KLHL22: variants seen among roughly 807,000 people sequenced by gnomAD.
KLHL22 encodes the protein kelch-like protein 22.
Under a neutral mutation model 60.7 loss-of-function variants are expected in KLHL22, and 18 were observed. The ratio of observed to expected loss-of-function variants is 0.30; its 90% CI spans 0.20 to 0.44. The LOEUF is 0.44. KLHL22 is among the 20% of genes least tolerant of loss of function. The pLI is 1.00. For synonymous variants in KLHL22, 355 were observed against 354.5 expected, an observed-to-expected ratio of 1.00 and a Z score of -0.01; for missense variants, 596 against 852.3, an observed-to-expected ratio of 0.70 and a Z score of 3.74.
chr22:20,480,420 G>T lies in KLHL22; in HGVS notation c.227+8565C>A, dbSNP rs1347624052. 2.0e-5 allele frequency among the ~76,000 whole-genome samples: 3 copies of T among 152,178 alleles called. No homozygotes were observed. The East Asian group carries it at 5.8e-4, about 29-fold the overall frequency. ...ACCAAATAAATAGAGGACATCGACA[G>T]CACGGAACACTCCACAGCACAGAGA... On this transcript the variant is annotated intron_variant, in intron 2 of 6. Coordinates refer to ENST00000328879, the MANE Select transcript of KLHL22 (RefSeq NM_032775.4).
chr22:20,449,556 G>A (rs547325696), intron 5 of KLHL22, among the ~76,000 whole-genome samples: 11 of 151,704 alleles, frequency 7.3e-5, no homozygotes, highest in Non-Finnish European at 1.5e-4. Context: ...GTGTGCCACC[G>A]CGCCCAACTA....
intron 2 of KLHL22, chr22:20,488,436 T>A (rs1352047379): frequency 6.2e-6 from 1 of 161,806 alleles, no homozygotes; most frequent in African/African-American, 2.4e-5. Flanking sequence ...TTTGAATATG[T>A]GAAAACCATG....
At chr22:20,457,179 G>C (rs2053076354) in intron 5 of KLHL22, among the ~76,000 whole-genome samples, 1 of 151,968 alleles carries the variant, frequency 6.6e-6, no homozygotes, top group Non-Finnish European at 1.5e-5. Context: ...ATAAAAGAGA[G>C]GCACCTCCCT....
chr22:20,447,337 C>T (rs891945309), intron 5 of KLHL22, among the ~76,000 whole-genome samples: 1 of 152,188 alleles, frequency 6.6e-6, no homozygotes, highest in African/African-American at 2.4e-5. Flanking sequence ...CAAGGCAAGG[C>T]CCTGGGTGTT....
At chr22:20,488,584 C>T (rs962099889) in intron 2 of KLHL22, 1 of 213,690 alleles carries the variant, frequency 4.7e-6, no homozygotes, top group African/African-American at 2.4e-5. Context: ...ACAGAGCTCA[C>T]TGGGAGGGCC....
chr22:20,450,741 G>T, intron 5 of KLHL22: 2 of 1,319,918 alleles, frequency 1.5e-6, no homozygotes, highest in South Asian at 2.4e-5. Context: ...AGCATGCCAA[G>T]AAAGAGCAGA....
intron 2 of KLHL22, among the ~76,000 whole-genome samples, chr22:20,478,877 C>T (rs1313850533): frequency 2.7e-5 from 4 of 150,526 alleles, no homozygotes; most frequent in Non-Finnish European, 5.9e-5. Context: ...TGCCTGTATC[C>T]CAGCACTTTG....
Position 20,480,678 on chromosome 22 carries a change from C to T in KLHL22, c.227+8307G>A, listed in dbSNP as rs958648915. 1.9e-4 allele frequency among the ~76,000 whole-genome samples: 29 copies of T among 152,218 alleles called. 1 individual carries two copies. In the Middle Eastern group the frequency reaches 0.01, roughly 54 times the overall value. On this transcript the variant is annotated intron_variant, in intron 2 of 6. Transcript: ENST00000328879. ...ATGCCACATAGGATCTTATATCCCACGGGATCTGGGTCGGTGCCTCCTCTT... is the reference window on the plus strand; with the variant it reads ...ATGCCACATAGGATCTTATATCCCATGGGATCTGGGTCGGTGCCTCCTCTT...
At chr22:20,446,296 C>T (rs2052858900) in intron 6 of KLHL22, 147 bp downstream of exon 6, 2 of 650,244 alleles carry the variant, frequency 3.1e-6, no homozygotes, top group East Asian at 2.7e-5. Flanking sequence ...GAAACTGTAC[C>T]TTCCACTTAA....
At chr22:20,470,893 C>T (rs1456785786) in intron 3 of KLHL22, among the ~76,000 whole-genome samples, 2 of 151,934 alleles carry the variant, frequency 1.3e-5, no homozygotes, top group South Asian at 2.1e-4. Flanking sequence ...GATGGACAGA[C>T]AAATAGATAG....
chr22:20,494,081 C>CCCT (rs1555915710), intron 1 of KLHL22, among the ~76,000 whole-genome samples: 1 of 112,554 alleles, frequency 8.9e-6, no homozygotes, highest in African/African-American at 3.4e-5. Context: ...TTTGCCCCCC[C>CCCT]CCCAAAAAAA....
At chr22:20,453,796 G>A (rs370087839) in intron 5 of KLHL22, among the ~76,000 whole-genome samples, 4 of 151,910 alleles carry the variant, frequency 2.6e-5, no homozygotes, top group South Asian at 2.1e-4. Flanking sequence ...GTGCAGTGGC[G>A]CAATCTCGGC....
chr22:20,471,317 T>G, intron 3 of KLHL22, 33 bp downstream of exon 3: 1 of 1,601,934 alleles, frequency 6.2e-7, no homozygotes. Flanking sequence ...CACCTGGGTG[T>G]GGGTCTGCCT....
At chr22:20,468,306 T>G (rs1235966002) in intron 3 of KLHL22, among the ~76,000 whole-genome samples, 6 of 152,254 alleles carry the variant, frequency 3.9e-5, no homozygotes, top group Non-Finnish European at 5.9e-5. Flanking sequence ...AGCAGCTCCT[T>G]GAGAGGACCC....
chr22:20,446,611 C>T lies in KLHL22; in HGVS notation c.1371G>A (p.Glu457=). The T allele has an allele frequency of 6.2e-7, 1 of 1,613,762 alleles. No homozygotes were observed. The highest frequency in any genetic ancestry group is 8.5e-7 in the Non-Finnish European group (1 of 1,180,030). The change falls in exon 6 of 7, where the codon GAG becomes GAA. Residue 457 remains glutamate, a synonymous_variant. Coordinates refer to ENST00000328879, the MANE Select transcript of KLHL22 (RefSeq NM_032775.4). Reference sequence around the variant, plus strand: ...AGCAGTGTGTCTCTTTCAGGTAATCCTCCCCTCTGCGGCCGCAGGTGATAT... The same window carrying T: ...AGCAGTGTGTCTCTTTCAGGTAATCTTCCCCTCTGCGGCCGCAGGTGATAT... The part of the protein sequence containing the change: ...KMYITCGRRG[E]DYLKETHCYD...
rs754603732 is a variant in KLHL22 at position 20,471,566 on chromosome 22, C to A, written c.228-51G>T. ...GGAGTTATACCAACAGGGACTTAAG[C>A]CCATGTTGCCAAGAGTGACAGCATT... On this transcript the variant is annotated intron_variant, in intron 2 of 6. Coordinates refer to ENST00000328879, the MANE Select transcript of KLHL22 (RefSeq NM_032775.4). 8.9e-6 allele frequency: 14 copies of A among 1,576,920 alleles called. No individual in the cohort carries two copies. In the African/African-American group the frequency reaches 1.8e-4, roughly 20 times the overall value.
intron 3 of KLHL22, among the ~76,000 whole-genome samples, chr22:20,469,019 T>C (rs961417409): frequency 6.6e-6 from 1 of 152,094 alleles, no homozygotes; most frequent in African/African-American, 2.4e-5. Context: ...TCTGAGGCAC[T>C]GGGGGAGATG....
chr22:20,448,133 A>G (rs1304812947), intron 5 of KLHL22, among the ~76,000 whole-genome samples: 1 of 152,132 alleles, frequency 6.6e-6, no homozygotes, highest in Non-Finnish European at 1.5e-5. Flanking sequence ...CAGTTTTGTA[A>G]CTTCAAGAGT....
intron 3 of KLHL22, among the ~76,000 whole-genome samples, chr22:20,466,999 G>A (rs1195714095): frequency 1.3e-5 from 2 of 152,248 alleles, no homozygotes; most frequent in Non-Finnish European, 2.9e-5. Flanking sequence ...GGGAGAATAG[G>A]AGACAAAGGG....
Sources: gnomAD v4.1 joint callset for allele counts (sites outside exome capture counted in the v4.1 genomes callset) on GRCh38, gnomAD v4.1.1 for gene constraint, MANE v1.5 for transcripts, NCBI Gene and HGNC (gene_info 2026-07-23, HGNC 2026-07-21) for gene names.